The following TCF12 variants were observed in gnomAD, a reference collection of about 807,000 sequenced individuals.
TCF12 encodes the protein DNA-binding protein HTF4.
In TCF12, 45 loss-of-function variants were observed where a neutral mutation model predicts 86.0. The observed-to-expected ratio is 0.52, with a 90% CI of 0.41 to 0.67. The LOEUF (loss-of-function observed/expected upper bound fraction) is 0.67. Among genes scored for constraint, TCF12 ranks in the 30% least tolerant of loss-of-function variants. The pLI is 0.00. For synonymous variants in TCF12, 330 were observed against 299.6 expected, an observed-to-expected ratio of 1.10 and a Z score of -1.05; for missense variants, 881 against 859.9, an observed-to-expected ratio of 1.02 and a Z score of -0.31.
intron 5 of TCF12, among the ~76,000 whole-genome samples, chr15:57,162,761 T>C (rs1429441034): frequency 6.6e-6 from 1 of 152,230 alleles, no homozygotes; most frequent in African/African-American, 2.4e-5. Context: ...AGATTGTATT[T>C]AAAAGCTGTA....
intron 20 of TCF12, 103 bp downstream of exon 20, chr15:57,282,701 T>C (rs2061747801): frequency 5.3e-6 from 7 of 1,323,580 alleles, no homozygotes; most frequent in African/African-American, 1.5e-5. Context: ...CAGTGGCCAT[T>C]GTAAAGGTCA....
intron 8 of TCF12, among the ~76,000 whole-genome samples, chr15:57,200,368 T>C (rs542852490): frequency 1.7e-3 from 260 of 152,314 alleles, no homozygotes; most frequent in Non-Finnish European, 2.3e-3. Context: ...TAAGTTGTGA[T>C]TTCCTATTTC....
chr15:57,058,691 T>C (rs1005287675), intron 3 of TCF12, among the ~76,000 whole-genome samples: 6 of 152,196 alleles, frequency 3.9e-5, no homozygotes, highest in Non-Finnish European at 7.4e-5. Flanking sequence ...AGGTAGCATG[T>C]TTTAACTTCT....
chr15:57,086,625 C>T (rs748529650), intron 4 of TCF12, among the ~76,000 whole-genome samples: 14 of 148,874 alleles, frequency 9.4e-5, no homozygotes, highest in Admixed American at 1.3e-4. Flanking sequence ...AATAATCTCA[C>T]GCAATTTGGT....
intron 8 of TCF12, among the ~76,000 whole-genome samples, chr15:57,212,592 T>G (rs1280536922): frequency 1.3e-5 from 2 of 152,036 alleles, no homozygotes; most frequent in Non-Finnish European, 2.9e-5. Context: ...TTTTTCCTTT[T>G]AAGAGAGAAA....
intron 5 of TCF12, among the ~76,000 whole-genome samples, chr15:57,094,451 A>G (rs2049184942): frequency 6.6e-6 from 1 of 152,216 alleles, no homozygotes; most frequent in Non-Finnish European, 1.5e-5. Context: ...ATGCAGTTCT[A>G]TACAGCAACA....
intron 3 of TCF12, among the ~76,000 whole-genome samples, chr15:57,032,270 A>G (rs1461791984): frequency 1.3e-5 from 2 of 152,232 alleles, no homozygotes; most frequent in African/African-American, 4.8e-5. Flanking sequence ...GAATAATCCA[A>G]ATAGTGCTGC....
In TCF12 at chr15:57,128,385, A is replaced by G. The variant is rs537510987; in HGVS notation, c.325+36494A>G. 2.6e-5 allele frequency among the ~76,000 whole-genome samples: 4 copies of G among 152,294 alleles called. No homozygotes were observed. In the South Asian group the frequency reaches 8.3e-4, roughly 32 times the overall value. On this transcript the variant is annotated intron_variant, in intron 5 of 20. Coordinates refer to ENST00000333725, the MANE Select transcript of TCF12 (RefSeq NM_207037.2). ...AGAACCTTCATTTATCCTAGGCACC[A>G]CGCAAAGTGCTTTTGCTCTGTTCAT...
chr15:57,231,970 C>T (rs1332116523), intron 9 of TCF12, among the ~76,000 whole-genome samples: 1 of 152,102 alleles, frequency 6.6e-6, no homozygotes, highest in African/African-American at 2.4e-5. Flanking sequence ...TATAAGTATA[C>T]CACTTAACTA....
At chr15:57,040,467 G>T (rs1015456711) in intron 3 of TCF12, among the ~76,000 whole-genome samples, 2 of 152,194 alleles carry the variant, frequency 1.3e-5, no homozygotes, top group African/African-American at 2.4e-5. Context: ...AAGGAGTTCC[G>T]TAAGAATTGG....
chr15:56,973,465 T>G (rs2062442555), intron 3 of TCF12, among the ~76,000 whole-genome samples: 1 of 152,010 alleles, frequency 6.6e-6, no homozygotes, highest in South Asian at 2.1e-4. Flanking sequence ...GCTTATAACA[T>G]TAATAAAATA....
intron 5 of TCF12, among the ~76,000 whole-genome samples, chr15:57,114,904 G>A (rs1465446487): frequency 1.3e-5 from 2 of 151,828 alleles, no homozygotes; most frequent in Non-Finnish European, 1.5e-5. Flanking sequence ...ACCAAACTCA[G>A]GACTAAAATG....
rs770884424 is a variant in TCF12, at chr15:57,262,183, C to T, written c.1557C>T (p.Asn519=). The change falls in exon 17 of 21, where the codon AAC becomes AAT. Residue 519 remains asparagine, a synonymous_variant. Transcript: ENST00000333725. ...TCACTACTTCAAGCACAGACCTGAA[C>T]CATAAAACACAAGAAAATTATAGAG... ...STVTTSSTDL[N]HKTQENYRGG... The T allele has an allele frequency of 1.9e-6, 3 of 1,611,874 alleles. No homozygotes were observed. The highest frequency in any genetic ancestry group is 2.7e-5 in the African/African-American group (2 of 74,792).
intron 3 of TCF12, among the ~76,000 whole-genome samples, chr15:57,061,704 A>G (rs2068467902): frequency 1.3e-5 from 2 of 152,236 alleles, no homozygotes; most frequent in African/African-American, 4.8e-5. Flanking sequence ...TGGTTTGATT[A>G]TTTTCATCAG....
chr15:57,002,272 A>G (rs2064090952), intron 3 of TCF12, among the ~76,000 whole-genome samples: 1 of 152,172 alleles, frequency 6.6e-6, no homozygotes, highest in Non-Finnish European at 1.5e-5. Context: ...TGAGAAAACA[A>G]ACACTTCTTG....
At chr15:57,048,628 ACT>A (rs1223556333) in intron 3 of TCF12, among the ~76,000 whole-genome samples, 1 of 151,168 alleles carries the variant, frequency 6.6e-6, no homozygotes, top group Non-Finnish European at 1.5e-5. Context: ...AAGACATGGC[ACT>A]CTCTATCATT....
rs1194895267 is a variant in TCF12 at position 57,063,773 on chromosome 15, A to G, written c.172A>G (p.Thr58Ala). The change falls in exon 4 of 21, where the codon ACA becomes GCA. Residue 58 changes from threonine to alanine, a missense_variant. This residue lies in a region of TCF12 where 766 missense variants were observed against 718.9 expected (regional missense o/e 1.07). Transcript: ENST00000333725. ...AGGTATTGATGAAAGAGGAGGTACA[A>G]CATCTTGGGGAACAAGTGGTCAACC... ...GSGIDERGGT[T>A]SWGTSGQPSP... 5 of 1,603,890 alleles carry G rather than the reference A, an allele frequency of 3.1e-6. No homozygotes were observed. Among genetic ancestry groups the G allele is most frequent in the African/African-American group, 1.3e-5 (1 of 74,952 alleles).
At chr15:57,028,013 G>C (rs773000427) in intron 3 of TCF12, among the ~76,000 whole-genome samples, 5 of 151,918 alleles carry the variant, frequency 3.3e-5, no homozygotes, top group Non-Finnish European at 7.4e-5. Flanking sequence ...GCCCAGGCTG[G>C]AGTGTGGTGG....
chr15:57,251,341 T>G lies in TCF12; in HGVS notation c.1115-9T>G, dbSNP rs989127000. ...ACCCAGGTGTGTGGCTACTTTTGGG[T>G]TTTAACAGGTACCAGTCAGTGGCCA... On this transcript the variant is annotated splice_polypyrimidine_tract_variant and intron_variant, in intron 13 of 20. Transcript: ENST00000333725. 6.2e-7 allele frequency: 1 copy of G among 1,613,736 alleles called. No homozygotes were observed. Among genetic ancestry groups the G allele is most frequent in the South Asian group, 1.1e-5 (1 of 91,048 alleles).
Sources: allele counts gnomAD v4.1 joint callset (sites outside exome capture counted in the v4.1 genomes callset), GRCh38; gene constraint gnomAD v4.1.1; regional missense constraint gnomAD v4.1.1; transcripts MANE v1.5; gene names NCBI Gene and HGNC (gene_info 2026-07-23, HGNC 2026-07-21).